Variants in OXR1 observed in about 807,000 individuals in gnomAD.
OXR1 encodes the protein oxidation resistance protein 1.
In OXR1, 41 loss-of-function variants were observed where a neutral mutation model predicts 104.6. That is an observed-to-expected ratio of 0.39 (90% CI 0.31 to 0.51). OXR1 has a LOEUF of 0.51. OXR1 is among the 20% of genes least tolerant of loss of function. The probability of loss-of-function intolerance (pLI) is 0.77; values close to 1 mark genes in which losing one functional copy is unlikely to be tolerated. For missense variants in OXR1, 955 were observed against 1,031.9 expected (o/e 0.93, Z 1.02); for synonymous variants, 348 against 348.4 (o/e 1.00, Z 0.01).
At chr8:106,706,304 A>C in intron 8 of OXR1, 78 bp from the exon 9 acceptor site, 1 of 961,424 alleles carries the variant, frequency 1.0e-6, no homozygotes. Flanking sequence ...TAGTGATACT[A>C]ATTCTGTGTT....
intron 3 of OXR1, among the ~76,000 whole-genome samples, chr8:106,624,118 A>G (rs1029637723): frequency 2.6e-5 from 4 of 152,136 alleles, no homozygotes; most frequent in African/African-American, 2.4e-5. Flanking sequence ...TTTTCGACCA[A>G]TTATTTCCCT....
In OXR1 at chr8:106,482,454, T is replaced by G. The variant is rs757134889; in HGVS notation, c.24-36489T>G. Among the ~76,000 whole-genome samples the G allele has an allele frequency of 2.4e-4, 36 of 150,270 alleles. 1 individual carries two copies. Among genetic ancestry groups the G allele is most frequent in the Non-Finnish European group, 5.2e-4 (35 of 67,800 alleles). On this transcript the variant is annotated intron_variant, in intron 2 of 16. Transcript: ENST00000517566. ...AGGCTCAAATCCCATCCATGGCCCC[T>G]GCAAAGCTCTGTGATGTTGAGAGAG...
chr8:106,422,613 C>T (rs1244181395), intron 2 of OXR1, among the ~76,000 whole-genome samples: 1 of 152,106 alleles, frequency 6.6e-6, no homozygotes, highest in African/African-American at 2.4e-5. Flanking sequence ...TATCATTTCA[C>T]ATGAAGAGCC....
intron 2 of OXR1, chr8:106,448,102 A>G (rs575276375): frequency 1.8e-5 from 28 of 1,522,998 alleles, no homozygotes; most frequent in Middle Eastern, 3.4e-4. Context: ...TTATGAAGAA[A>G]ACGTTTCCTA....
chr8:106,549,274 C>G (rs539352554), intron 3 of OXR1, among the ~76,000 whole-genome samples: 1 of 148,426 alleles, frequency 6.7e-6, no homozygotes, highest in South Asian at 2.1e-4. Flanking sequence ...TTAGCTACAT[C>G]CTTATCTAGA....
At chr8:106,728,930 T>A (rs1327591260) in intron 11 of OXR1, among the ~76,000 whole-genome samples, 3 of 152,204 alleles carry the variant, frequency 2.0e-5, no homozygotes, top group Non-Finnish European at 4.4e-5. Flanking sequence ...TTTTTTAAAT[T>A]TAGGCTTTCA....
chr8:106,717,058 C>T (rs951123906), intron 11 of OXR1, among the ~76,000 whole-genome samples: 27 of 152,088 alleles, frequency 1.8e-4, no homozygotes, highest in African/African-American at 6.0e-4. Context: ...TGGTAGCACA[C>T]GCCTGTAGTC....
chr8:106,506,740 T>G (rs1337909779), intron 2 of OXR1, among the ~76,000 whole-genome samples: 3 of 152,126 alleles, frequency 2.0e-5, no homozygotes, highest in African/African-American at 7.2e-5. Context: ...CCCCTGGATA[T>G]TCCAAAATAC....
At chr8:106,741,190 A>G (rs1051803750) in intron 14 of OXR1, among the ~76,000 whole-genome samples, 8 of 152,204 alleles carry the variant, frequency 5.3e-5, no homozygotes, top group Non-Finnish European at 8.8e-5. Context: ...ATTTGCACCA[A>G]TGAAAATGAA....
chr8:106,320,740 C>T (rs906499316), intron 1 of OXR1, among the ~76,000 whole-genome samples: 3 of 152,054 alleles, frequency 2.0e-5, no homozygotes, highest in Admixed American at 6.6e-5. Context: ...GACACAATCT[C>T]GGCTCACTGC....
intron 1 of OXR1, among the ~76,000 whole-genome samples, chr8:106,287,129 A>G (rs926350653): frequency 5.9e-5 from 9 of 152,172 alleles, no homozygotes; most frequent in African/African-American, 1.9e-4. Flanking sequence ...CTGTAGACCT[A>G]AAGTAGAAAG....
chr8:106,296,681 G>A (rs935295792), intron 1 of OXR1, among the ~76,000 whole-genome samples: 6 of 152,054 alleles, frequency 3.9e-5, no homozygotes, highest in Non-Finnish European at 5.9e-5. Flanking sequence ...TACATATTAG[G>A]GACTAAATAT....
chr8:106,618,879 T>C (rs916147238), intron 3 of OXR1, among the ~76,000 whole-genome samples: 1 of 152,030 alleles, frequency 6.6e-6, no homozygotes, highest in Non-Finnish European at 1.5e-5. Context: ...TTTTTTTGCC[T>C]TTTTTCTTTT....
At chr8:106,600,870 C>T (rs75629840) in intron 3 of OXR1, among the ~76,000 whole-genome samples, 3,916 of 152,230 alleles carry the variant, frequency 0.026, 171 homozygotes, top group African/African-American at 0.09. Flanking sequence ...TACTGGGATA[C>T]AGGAGACAAA....
intron 3 of OXR1, among the ~76,000 whole-genome samples, chr8:106,659,473 T>G (rs1308831994): frequency 6.6e-6 from 1 of 152,228 alleles, no homozygotes; most frequent in Non-Finnish European, 1.5e-5. Flanking sequence ...TTGTTTCTGC[T>G]CTGAAGGACG....
At chr8:106,438,087 C>A (rs906271423) in intron 2 of OXR1, among the ~76,000 whole-genome samples, 3 of 152,090 alleles carry the variant, frequency 2.0e-5, no homozygotes, top group Admixed American at 2.0e-4. Context: ...CTTCTAATGA[C>A]CAGTGCAGAT....
Position 106,679,228 on chromosome 8 carries a change from C to A in OXR1, c.239C>A (p.Thr80Asn), listed in dbSNP as rs1827908159. ...FYTIDTGQKK[T>N]LDKKDGRRMS... ...TTCCCAGACACTGGCCAAAAGAAGA[C>A]CCTAGACAAGAAAGATGGAAGACGA... Residue 80 changes from threonine to asparagine, a missense_variant, in exon 4 of 17, where the codon ACC (threonine) becomes AAC (asparagine). By Grantham distance (65) the Thr-to-Asn change is moderately conservative. Transcript: ENST00000517566. The A allele has an allele frequency of 6.2e-7, 1 of 1,608,494 alleles. No individual in the cohort carries two copies. Among genetic ancestry groups the A allele is most frequent in the Admixed American group, 1.7e-5 (1 of 59,774 alleles).
intron 2 of OXR1, among the ~76,000 whole-genome samples, chr8:106,465,901 G>A (rs1821147946): frequency 6.6e-6 from 1 of 152,036 alleles, no homozygotes; most frequent in Middle Eastern, 3.4e-3. Flanking sequence ...CCATGAACTA[G>A]CCGTATGATG....
intron 3 of OXR1, among the ~76,000 whole-genome samples, chr8:106,670,750 A>G (rs1263704054): frequency 6.6e-6 from 1 of 152,166 alleles, no homozygotes; most frequent in Non-Finnish European, 1.5e-5. Flanking sequence ...GGTAAGTTCA[A>G]TACAAGATAC....
Sources: gnomAD v4.1 joint callset for allele counts (sites outside exome capture counted in the v4.1 genomes callset) on GRCh38, gnomAD v4.1.1 for gene constraint, MANE v1.5 for transcripts, NCBI Gene and HGNC (gene_info 2026-07-23, HGNC 2026-07-21) for gene names.